The following PLCH1 variants were observed in gnomAD, a reference collection of about 807,000 sequenced individuals.
PLCH1 encodes phospholipase C eta 1, also known as 1-phosphatidylinositol 4,5-bisphosphate phosphodiesterase eta-1.
In PLCH1, 60 loss-of-function variants were observed where a neutral mutation model predicts 126.7. That is an observed-to-expected ratio of 0.47 (90% CI 0.38 to 0.59). PLCH1 has a LOEUF of 0.59. Ranked by LOEUF, PLCH1 falls within the 20% of genes least tolerant of loss-of-function variation. PLCH1 has a pLI of 0.00. For missense variants in PLCH1, 1,723 were observed against 2,040.0 expected, an observed-to-expected ratio of 0.84 and a Z score of 2.99; for synonymous variants, 719 against 734.9, an observed-to-expected ratio of 0.98 and a Z score of 0.35.
At chr3:155,565,142 A>C (rs1335981217) in intron 7 of PLCH1, 24 bp from the exon 8 acceptor site, 1 of 1,539,600 alleles carries the variant, frequency 6.5e-7, no homozygotes. Flanking sequence ...AGAGTGACTT[A>C]CTACAGCTTT....
intron 2 of PLCH1, chr3:155,676,131 TG>T (rs914147597): frequency 5.1e-6 from 7 of 1,384,462 alleles, no homozygotes; most frequent in Admixed American, 3.1e-5. Flanking sequence ...CCAAAAAGGG[TG>T]GGGGGAAAAA....
chr3:155,698,848 A>G (rs1409596642), intron 2 of PLCH1, among the ~76,000 whole-genome samples: 2 of 152,264 alleles, frequency 1.3e-5, no homozygotes, highest in African/African-American at 4.8e-5. Flanking sequence ...TTTGGTGGCC[A>G]TCAATGGGAG....
chr3:155,524,088 A>T, intron 10 of PLCH1, 84 bp from the exon 11 acceptor site: 1 of 812,442 alleles, frequency 1.2e-6, no homozygotes, highest in Admixed American at 2.1e-5. Context: ...GCATCCATTG[A>T]TGGATGAGAG....
intron 2 of PLCH1, among the ~76,000 whole-genome samples, chr3:155,686,942 A>G (rs1461154400): frequency 6.6e-6 from 1 of 152,218 alleles, no homozygotes; most frequent in East Asian, 1.9e-4. Context: ...CCTAAAGGTG[A>G]AAGTGTACTA....
rs35149793 is a variant in PLCH1, at chr3:155,733,934, C to CATATAT, written c.-41+10900_-41+10905dup. Among the ~76,000 whole-genome samples the CATATAT allele has an allele frequency of 4.6e-3, 450 of 97,950 alleles. 10 individuals carry two copies. Among genetic ancestry groups the CATATAT allele is most frequent in the Non-Finnish European group, 6.3e-3 (289 of 45,900 alleles). The allele number at this position is 97,950 out of a possible 152,430, so 64.3% of individuals were successfully genotyped here. On this transcript the variant is annotated intron_variant, in intron 1 of 22. Coordinates refer to ENST00000460012, the MANE Select transcript of PLCH1 (RefSeq NM_014996.4). ...AACATACAAATGGCCAACAGGTATA[C>CATATAT]ATATATATATATATATATATATATA...
chr3:155,592,530 C>T, intron 4 of PLCH1, among the ~76,000 whole-genome samples: 1 of 151,262 alleles, frequency 6.6e-6, no homozygotes, highest in Admixed American at 6.6e-5. Flanking sequence ...AGAAACTCTA[C>T]TACCTCTGTT....
At chr3:155,512,174 C>A (rs2108222404) in intron 12 of PLCH1, among the ~76,000 whole-genome samples, 1 of 152,156 alleles carries the variant, frequency 6.6e-6, no homozygotes, top group Admixed American at 6.5e-5. Flanking sequence ...ACCCCTTGCG[C>A]TTCCCAGGTG....
chr3:155,644,837 T>C (rs570403992), intron 2 of PLCH1, among the ~76,000 whole-genome samples: 1 of 152,174 alleles, frequency 6.6e-6, no homozygotes, highest in African/African-American at 2.4e-5. Flanking sequence ...GCTCCTTTTT[T>C]AGAAATCAAA....
intron 11 of PLCH1, among the ~76,000 whole-genome samples, chr3:155,519,955 G>T (rs1362569796): frequency 2.6e-5 from 4 of 152,026 alleles, no homozygotes; most frequent in Non-Finnish European, 4.4e-5. Context: ...CTGAAGAACA[G>T]CTGCTTCTCA....
chr3:155,623,073 A>T (rs973686290), intron 2 of PLCH1, among the ~76,000 whole-genome samples: 2 of 152,356 alleles, frequency 1.3e-5, no homozygotes, highest in African/African-American at 4.8e-5. Flanking sequence ...CTCTCAGACC[A>T]CAGTGCAATC....
At chr3:155,541,434 T>G (rs891404357) in intron 10 of PLCH1, among the ~76,000 whole-genome samples, 2 of 152,196 alleles carry the variant, frequency 1.3e-5, no homozygotes, top group African/African-American at 4.8e-5. Flanking sequence ...TGCCTTTCAC[T>G]TGGACACTTG....
At chr3:155,716,931 T>C (rs1747562604) in intron 1 of PLCH1, among the ~76,000 whole-genome samples, 1 of 152,212 alleles carries the variant, frequency 6.6e-6, no homozygotes, top group Non-Finnish European at 1.5e-5. Context: ...ATGAGTTCCT[T>C]CCACCTATGA....
intron 1 of PLCH1, among the ~76,000 whole-genome samples, chr3:155,726,697 CTTTT>C (rs60339858): frequency 7.4e-6 from 1 of 135,860 alleles, no homozygotes; most frequent in Non-Finnish European, 1.6e-5. Flanking sequence ...TGTTCAGATT[CTTTT>C]TTTTTTTTTT....
chr3:155,591,151 G>T (rs1328793127), intron 4 of PLCH1, among the ~76,000 whole-genome samples: 1 of 152,200 alleles, frequency 6.6e-6, no homozygotes, highest in African/African-American at 2.4e-5. Context: ...TTCTATAAGT[G>T]ACTTGCAGCT....
intron 2 of PLCH1, among the ~76,000 whole-genome samples, chr3:155,639,602 AG>A (rs1363940810): frequency 6.6e-6 from 1 of 152,206 alleles, no homozygotes; most frequent in Non-Finnish European, 1.5e-5. Flanking sequence ...GAGCAACAAA[AG>A]GTTGACTGTG....
chr3:155,482,679 G>A lies in PLCH1; in HGVS notation c.3347C>T (p.Ser1116Leu), dbSNP rs759035079. Residue 1116 changes from serine to leucine, a missense_variant, in exon 23 of 23, where the codon TCA becomes TTA. Transcript: ENST00000460012. ...GTTGCTATGAGAAAGGACGCTTCCTGACAAGATGCTTTTCCCTTCCACAAA... is the reference window on the plus strand; with the variant it reads ...GTTGCTATGAGAAAGGACGCTTCCTAACAAGATGCTTTTCCCTTCCACAAA... ...EDFVEGKSIL[S>L]GSVLSHSNLE... 6.2e-7 allele frequency: 1 copy of A among 1,614,066 alleles called. No homozygotes were observed. Among genetic ancestry groups the A allele is most frequent in the Non-Finnish European group, 8.5e-7 (1 of 1,180,044 alleles).
chr3:155,531,267 T>C (rs1464072458), intron 10 of PLCH1, among the ~76,000 whole-genome samples: 1 of 152,216 alleles, frequency 6.6e-6, no homozygotes, highest in African/African-American at 2.4e-5. Flanking sequence ...ATGACTCCTC[T>C]GCAGCTATTA....
chr3:155,471,509 A>G (rs1713228677), intron 21 of PLCH1, among the ~76,000 whole-genome samples: 2 of 146,934 alleles, frequency 1.4e-5, no homozygotes, highest in African/African-American at 2.5e-5. Context: ...TCAACATTAG[A>G]CAGATCAACG....
At chr3:155,629,856 G>T (rs1420942721) in intron 2 of PLCH1, among the ~76,000 whole-genome samples, 1 of 152,102 alleles carries the variant, frequency 6.6e-6, no homozygotes, top group Non-Finnish European at 1.5e-5. Flanking sequence ...CTTTGCACTC[G>T]CTGTACTCGC....
Sources: gnomAD v4.1 joint callset for allele counts (sites outside exome capture counted in the v4.1 genomes callset) on GRCh38, gnomAD v4.1.1 for gene constraint, MANE v1.5 for transcripts, NCBI Gene and HGNC (gene_info 2026-07-23, HGNC 2026-07-21) for gene names.